The following SMAD4 variants were observed in gnomAD, a reference collection of about 807,000 sequenced individuals.
SMAD4 encodes MAD homolog 4.
In SMAD4, 7 loss-of-function variants were observed where a neutral mutation model predicts 63.2. The ratio of observed to expected loss-of-function variants is 0.11; its 90% CI spans 0.06 to 0.21. SMAD4 has a LOEUF of 0.21. Ranked by LOEUF, SMAD4 falls within the 10% of genes least tolerant of loss-of-function variation. The probability of loss-of-function intolerance (pLI) is 1.00; values close to 1 mark genes in which losing one functional copy is unlikely to be tolerated. For missense variants in SMAD4, 312 were observed against 693.8 expected, an observed-to-expected ratio of 0.45 and a Z score of 6.18; for synonymous variants, 215 against 235.4, an observed-to-expected ratio of 0.91 and a Z score of 0.79.
chr18:51,031,530 A>G lies in SMAD4; in HGVS notation c.-128+907A>G, dbSNP rs550520420. Among the ~76,000 whole-genome samples, 84 of 152,348 alleles carry G rather than the reference A, an allele frequency of 5.5e-4. 1 individual carries two copies. In the South Asian group the frequency reaches 0.012, roughly 22 times the overall value. On this transcript the variant is annotated intron_variant, in intron 1 of 11. Coordinates refer to ENST00000342988, the MANE Select transcript of SMAD4 (RefSeq NM_005359.6). ...CACCGTAGTTTAAGGTGGAATTGCCAGTTATTTAGGAATAATAAACACAAC... is the reference window on the plus strand; with the variant it reads ...CACCGTAGTTTAAGGTGGAATTGCCGGTTATTTAGGAATAATAAACACAAC...
At chr18:51,071,082 T>G (rs900867070) in intron 10 of SMAD4, among the ~76,000 whole-genome samples, 2 of 152,214 alleles carry the variant, frequency 1.3e-5, no homozygotes, top group African/African-American at 4.8e-5. Context: ...AGGAATACTG[T>G]ATACCTTAAA....
intron 4 of SMAD4, 61 bp from the exon 5 acceptor site, chr18:51,054,720 A>ATT (rs961773590): frequency 8.6e-7 from 1 of 1,167,002 alleles, no homozygotes; most frequent in East Asian, 2.6e-5. Context: ...TGCTAATAAG[A>ATT]TTTTTTTTTC....
intron 1 of SMAD4, among the ~76,000 whole-genome samples, chr18:51,036,543 T>C (rs1336969685): frequency 6.6e-6 from 1 of 152,188 alleles, no homozygotes; most frequent in East Asian, 1.9e-4. Flanking sequence ...CTACTAAAAC[T>C]AGTTGAAGGA....
At chr18:51,058,319 C>T (rs1400331874) in intron 6 of SMAD4, 21 bp from the exon 7 acceptor site, 3 of 1,610,028 alleles carry the variant, frequency 1.9e-6, no homozygotes, top group Non-Finnish European at 2.5e-6. Context: ...CAAATTAACC[C>T]ATGTGGGCCT....
intron 7 of SMAD4, 92 bp from the exon 8 acceptor site, chr18:51,059,774 T>C (rs2144432582): frequency 2.1e-6 from 2 of 931,432 alleles, no homozygotes; most frequent in South Asian, 1.3e-5. Context: ...TCCTAACCTA[T>C]AATAGTTATA....
chr18:51,061,332 A>C (rs1910007060), intron 8 of SMAD4, among the ~76,000 whole-genome samples: 1 of 152,164 alleles, frequency 6.6e-6, no homozygotes, highest in Non-Finnish European at 1.5e-5. Context: ...ACTATTAACC[A>C]TCCTCACCTT....
At chr18:51,036,337 A>C (rs1051235285) in intron 1 of SMAD4, among the ~76,000 whole-genome samples, 1 of 152,238 alleles carries the variant, frequency 6.6e-6, no homozygotes. Context: ...ATTTCTAAAT[A>C]TAAGATGAAT....
chr18:51,033,335 A>G (rs1343519217), intron 1 of SMAD4, among the ~76,000 whole-genome samples: 1 of 152,036 alleles, frequency 6.6e-6, no homozygotes, highest in Non-Finnish European at 1.5e-5. Flanking sequence ...GATTACAGGC[A>G]TGTGCCACCA....
chr18:51,058,504 TAGGGCTTTG>T, intron 7 of SMAD4, 48 bp downstream of exon 7: 11 of 1,037,128 alleles, frequency 1.1e-5, no homozygotes, highest in Non-Finnish European at 1.6e-5. Context: ...TTTTTTTTGG[TAGGGCTTTG>T]TTTTCTGTTT....
intron 4 of SMAD4, chr18:51,052,621 A>AT: frequency 2.2e-5 from 6 of 276,526 alleles, no homozygotes; most frequent in Non-Finnish European, 2.2e-5. Context: ...TTTTAATTTT[A>AT]TTTTTTTGAA....
At chr18:51,056,649 G>A (rs1488751553) in intron 5 of SMAD4, among the ~76,000 whole-genome samples, 1 of 149,484 alleles carries the variant, frequency 6.7e-6, no homozygotes, top group South Asian at 2.1e-4. Context: ...AAAAAAGAGG[G>A]TTCCCTTAGG....
intron 1 of SMAD4, among the ~76,000 whole-genome samples, chr18:51,036,610 A>G (rs1909212622): frequency 6.6e-6 from 1 of 152,224 alleles, no homozygotes; most frequent in Non-Finnish European, 1.5e-5. Context: ...AGGAAAAATG[A>G]TACAACTTCT....
At chr18:51,069,382 A>G (rs1202151849) in intron 10 of SMAD4, among the ~76,000 whole-genome samples, 1 of 152,118 alleles carries the variant, frequency 6.6e-6, no homozygotes, top group Non-Finnish European at 1.5e-5. Flanking sequence ...CCAAAGTGCA[A>G]GGATTGCAGG....
chr18:51,076,790 T>C lies in SMAD4; in HGVS notation c.1447+14T>C. On this transcript the variant is annotated intron_variant, in intron 11 of 11. Transcript: ENST00000342988. ...CTCCAGCTATCAGTAAGTATGCTTT[T>C]CATTCTTTTTTAAAGGTATAATAGT... 2 of 1,590,298 alleles carry C rather than the reference T, an allele frequency of 1.3e-6. No homozygotes were observed. Among genetic ancestry groups the C allele is most frequent in the Non-Finnish European group, 1.7e-6 (2 of 1,163,636 alleles).
chr18:51,033,979 A>G lies in SMAD4; in HGVS notation c.-128+3356A>G, dbSNP rs543329036. Among the ~76,000 whole-genome samples the G allele has an allele frequency of 3.3e-5, 5 of 152,336 alleles. No homozygotes were observed. In the South Asian group the frequency reaches 8.3e-4, roughly 25 times the overall value. On this transcript the variant is annotated intron_variant, in intron 1 of 11. Coordinates refer to ENST00000342988, the MANE Select transcript of SMAD4 (RefSeq NM_005359.6). ...TACTGCAAATTATATTATAGATCAGATAAGTACCAAAGACCAGTTGTAAAG... is the reference window on the plus strand; with the variant it reads ...TACTGCAAATTATATTATAGATCAGGTAAGTACCAAAGACCAGTTGTAAAG...
At chr18:51,040,263 A>G (rs1008952142) in intron 1 of SMAD4, among the ~76,000 whole-genome samples, 3 of 152,056 alleles carry the variant, frequency 2.0e-5, no homozygotes, top group African/African-American at 4.8e-5. Context: ...GTCTCTGCTA[A>G]TAATACAAAA....
chr18:51,036,857 TAA>T (rs996975887), intron 1 of SMAD4, among the ~76,000 whole-genome samples: 4 of 152,124 alleles, frequency 2.6e-5, no homozygotes, highest in Non-Finnish European at 5.9e-5. Flanking sequence ...CTGCTTCAGT[TAA>T]AAGTTTTATG....
rs1189460505 is a variant in SMAD4 at position 51,083,867 on chromosome 18, A to G, written c.*5400A>G. 5 of 231,552 alleles carry G rather than the reference A, an allele frequency of 2.2e-5. No homozygotes were observed. The highest frequency in any genetic ancestry group is 1.1e-4 in the African/African-American group (5 of 45,224). 14.3% of individuals were successfully genotyped at this position (231,552 alleles called of 1,614,324 possible). On this transcript the variant is annotated 3_prime_UTR_variant, in exon 12 of 12. Transcript: ENST00000342988. ...TTTTTACTTATTTCCATGTTATTCA[A>G]AGGAGACTAGGCTTGATATTTTATT...
At position 51,080,207 on chromosome 18, in the gene SMAD4, G is replaced by C. The variant is rs891285983; in HGVS notation, c.*1740G>C. On this transcript the variant is annotated 3_prime_UTR_variant, in exon 12 of 12. Transcript: ENST00000342988. ...CCTTGCTCAGAAGGTCTTTTAAATAGACCATCCTAGAAACCACTGAGTTTG... is the reference window on the plus strand; with the variant it reads ...CCTTGCTCAGAAGGTCTTTTAAATACACCATCCTAGAAACCACTGAGTTTG... 2.2e-5 allele frequency: 5 copies of C among 232,226 alleles called. No homozygotes were observed. The highest frequency in any genetic ancestry group is 4.3e-5 in the Non-Finnish European group (5 of 117,560). 14.4% of individuals were successfully genotyped at this position (232,226 alleles called of 1,614,324 possible). A position where few individuals can be genotyped will look rare whatever the true frequency, so the allele number is the denominator to read the frequency against.
Sources: gnomAD v4.1 joint callset for allele counts (sites outside exome capture counted in the v4.1 genomes callset) on GRCh38, gnomAD v4.1.1 for gene constraint, MANE v1.5 for transcripts, NCBI Gene and HGNC (gene_info 2026-07-23, HGNC 2026-07-21) for gene names.